The following FAM171A1 variants were observed in gnomAD, a reference collection of about 807,000 sequenced individuals.
FAM171A1 encodes family with sequence similarity 171 member A1.
Under a neutral mutation model 74.9 loss-of-function variants are expected in FAM171A1, and 23 were observed. That is an observed-to-expected ratio of 0.31 (90% CI 0.22 to 0.44). The LOEUF (loss-of-function observed/expected upper bound fraction) is 0.44, where lower values mean the gene tolerates loss of function less well. Ranked by LOEUF, FAM171A1 falls within the 20% of genes least tolerant of loss-of-function variation. The pLI is 1.00. For synonymous variants in FAM171A1, 527 were observed against 505.7 expected (o/e 1.04, Z -0.57); for missense variants, 1,162 against 1,159.2 (o/e 1.00, Z -0.03).
Position 15,214,395 on chromosome 10 carries a change from T to G in FAM171A1, c.1193A>C (p.His398Pro), listed in dbSNP as rs371347314. Residue 398 changes from histidine to proline, a missense_variant, in exon 8 of 8, where the codon CAT (histidine) becomes CCT (proline). By Grantham distance (77) the His-to-Pro change is moderately conservative. Transcript: ENST00000378116. ...PGTKELMSGVHLEMMSPGGEG... is the reference protein window; with the variant it reads ...PGTKELMSGVPLEMMSPGGEG... ...GCCGCCCGGAGACATCATTTCCAAA[T>G]GGACTCCACTCATCAGTTCCTTCGT... 2 of 1,613,746 alleles carry G rather than the reference T, an allele frequency of 1.2e-6. No individual in the cohort carries two copies. Among genetic ancestry groups the G allele is most frequent in the African/African-American group, 1.3e-5 (1 of 74,912 alleles).
intron 5 of FAM171A1, among the ~76,000 whole-genome samples, chr10:15,230,342 A>G (rs1834189313): frequency 6.6e-6 from 1 of 152,254 alleles, no homozygotes; most frequent in Non-Finnish European, 1.5e-5. Flanking sequence ...ATTATATAGC[A>G]AAGTATTTGC....
intron 3 of FAM171A1, among the ~76,000 whole-genome samples, chr10:15,262,441 A>G (rs1341943595): frequency 6.6e-6 from 1 of 152,218 alleles, no homozygotes; most frequent in Admixed American, 6.5e-5. Flanking sequence ...GAAGCAATGA[A>G]CAGAGAGAGG....
chr10:15,365,161 C>T (rs191209745), intron 1 of FAM171A1, among the ~76,000 whole-genome samples: 15 of 152,288 alleles, frequency 9.8e-5, no homozygotes, highest in South Asian at 2.1e-4. Flanking sequence ...CAAGACTCTT[C>T]GGGCACTAAC....
At chr10:15,295,889 G>T (rs1835155857) in intron 1 of FAM171A1, among the ~76,000 whole-genome samples, 1 of 152,176 alleles carries the variant, frequency 6.6e-6, no homozygotes, top group African/African-American at 2.4e-5. Flanking sequence ...AGTTACGACG[G>T]CTTTTCATCT....
At chr10:15,222,154 C>G (rs923510261) in intron 5 of FAM171A1, among the ~76,000 whole-genome samples, 8 of 152,194 alleles carry the variant, frequency 5.3e-5, no homozygotes, top group African/African-American at 1.9e-4. Flanking sequence ...ATACACAGGC[C>G]TCCTGTGCAG....
chr10:15,237,157 T>A (rs1383452048), intron 5 of FAM171A1, among the ~76,000 whole-genome samples: 1 of 152,186 alleles, frequency 6.6e-6, no homozygotes, highest in Non-Finnish European at 1.5e-5. Context: ...ACAAAGTGAA[T>A]ACTCCATAAG....
intron 2 of FAM171A1, among the ~76,000 whole-genome samples, chr10:15,282,391 T>C (rs1477674580): frequency 6.6e-6 from 1 of 152,214 alleles, no homozygotes; most frequent in Non-Finnish European, 1.5e-5. Context: ...GAATCAACAA[T>C]CTATATATCA....
chr10:15,352,256 T>A (rs1432608406), intron 1 of FAM171A1, among the ~76,000 whole-genome samples: 2 of 151,656 alleles, frequency 1.3e-5, no homozygotes, highest in African/African-American at 4.8e-5. Context: ...ATATACTAAT[T>A]AAATTAAAAT....
At chr10:15,243,768 C>T (rs191433031) in intron 5 of FAM171A1, among the ~76,000 whole-genome samples, 69 of 149,038 alleles carry the variant, frequency 4.6e-4, no homozygotes, top group Non-Finnish European at 7.0e-4. Context: ...TACATATATA[C>T]ATAAAGGTAA....
chr10:15,328,790 GC>G (rs1835589952), intron 1 of FAM171A1, among the ~76,000 whole-genome samples: 1 of 152,086 alleles, frequency 6.6e-6, no homozygotes. Flanking sequence ...CAAGTTTTAG[GC>G]CCCACCAAAT....
At chr10:15,320,919 CTCTG>C (rs1294787435) in intron 1 of FAM171A1, among the ~76,000 whole-genome samples, 2 of 152,202 alleles carry the variant, frequency 1.3e-5, no homozygotes, top group Non-Finnish European at 2.9e-5. Context: ...ACAACTTTCA[CTCTG>C]TCTAACACAA....
chr10:15,325,306 G>A lies in FAM171A1; in HGVS notation c.98-41201C>T, dbSNP rs991204045. Reference sequence around the variant, plus strand: ...AGCCCAGGAGTTCGAGACCAAGCTCGAGATCAGCCTAGGCAACAAGGCAAA... The same window carrying A: ...AGCCCAGGAGTTCGAGACCAAGCTCAAGATCAGCCTAGGCAACAAGGCAAA... On this transcript the variant is annotated intron_variant, in intron 1 of 7. Transcript: ENST00000378116. 2.6e-5 allele frequency among the ~76,000 whole-genome samples: 4 copies of A among 152,280 alleles called. No individual in the cohort carries two copies. The East Asian group carries it at 5.8e-4, about 22-fold the overall frequency.
At chr10:15,270,219 C>A (rs918633274) in intron 3 of FAM171A1, among the ~76,000 whole-genome samples, 1 of 152,186 alleles carries the variant, frequency 6.6e-6, no homozygotes, top group Non-Finnish European at 1.5e-5. Flanking sequence ...AACGGCACAC[C>A]AGGAGATTAT....
chr10:15,224,123 G>T (rs1834074920), intron 5 of FAM171A1, among the ~76,000 whole-genome samples: 1 of 152,154 alleles, frequency 6.6e-6, no homozygotes, highest in Non-Finnish European at 1.5e-5. Flanking sequence ...ACCTGGGGTG[G>T]GTGTAGAAGG....
chr10:15,324,044 T>A (rs1835519697), intron 1 of FAM171A1, among the ~76,000 whole-genome samples: 1 of 152,156 alleles, frequency 6.6e-6, no homozygotes, highest in Admixed American at 6.5e-5. Context: ...CACGCAACTT[T>A]TAGCTCTAAT....
intron 1 of FAM171A1, among the ~76,000 whole-genome samples, chr10:15,289,879 T>C (rs553411531): frequency 3.9e-5 from 6 of 152,374 alleles, no homozygotes; most frequent in South Asian, 4.1e-4. Flanking sequence ...CAGCAGACTT[T>C]AGAAGTTGCC....
rs1244195560 is a variant in FAM171A1, at chr10:15,213,810, T to A, written c.1778A>T (p.Asp593Val). The change falls in exon 8 of 8, where the codon GAC (aspartate) becomes GTC (valine). Residue 593 changes from aspartate to valine, a missense_variant. Coordinates refer to ENST00000378116, the MANE Select transcript of FAM171A1 (RefSeq NM_001010924.2). This position sits in a 1 kb window ranked among gnomAD's most constrained non-coding sequence, Gnocchi z 6.8. The stretch of plus-strand genomic sequence containing the variant: ...GAGGGGCTGGCTGACATAGGAGTGG[T>A]CCCCGGGGAGTTTCATATAATGAGC... ...IPAHYMKLPG[D>V]HSYVSQPLVV... is the part of the protein sequence containing the mutation. 5 of 1,613,880 alleles carry A rather than the reference T, an allele frequency of 3.1e-6. No homozygotes were observed. Among genetic ancestry groups the A allele is most frequent in the Non-Finnish European group, 4.2e-6 (5 of 1,180,008 alleles).
intron 1 of FAM171A1, among the ~76,000 whole-genome samples, chr10:15,347,088 A>G (rs2131875963): frequency 6.6e-6 from 1 of 152,312 alleles, no homozygotes; most frequent in Admixed American, 6.5e-5. Context: ...AAAGAATGGG[A>G]AAATCAGGCA....
At chr10:15,372,203 G>A (rs142040350), upstream of FAM171A1, among the ~76,000 whole-genome samples, 1,512 of 152,206 alleles carry the variant, frequency 9.9e-3, 13 homozygotes, top group South Asian at 0.021. Context: ...ACTGTAGTTC[G>A]GTCAAGCAGA....
Sources: allele counts gnomAD v4.1 joint callset (sites outside exome capture counted in the v4.1 genomes callset), GRCh38; gene constraint gnomAD v4.1.1; non-coding constraint Gnocchi (gnomAD v3.1); transcripts MANE v1.5; gene names NCBI Gene and HGNC (gene_info 2026-07-23, HGNC 2026-07-21).